Variants in MBTPS2 observed in about 807,000 individuals in gnomAD.
The protein encoded by MBTPS2 is membrane-bound transcription factor site-2 protease.
Under a neutral mutation model 35.4 loss-of-function variants are expected in MBTPS2, and 2 were observed. The ratio of observed to expected loss-of-function variants is 0.06; its 90% CI spans 0.02 to 0.18. MBTPS2 has a LOEUF of 0.18. Ranked by LOEUF, MBTPS2 falls within the 10% of genes least tolerant of loss-of-function variation. MBTPS2 has a pLI of 1.00. For missense variants in MBTPS2, 244 were observed against 386.5 expected, an observed-to-expected ratio of 0.63 and a Z score of 3.09; for synonymous variants, 125 against 140.4, an observed-to-expected ratio of 0.89 and a Z score of 0.77.
At chrX:21,879,575 C>T (rs1017632537) in intron 9 of MBTPS2, among the ~76,000 whole-genome samples, 4 of 110,909 alleles carry the variant, frequency 3.6e-5, no homozygotes, top group Non-Finnish European at 5.7e-5. Context: ...GCACTGTGCC[C>T]GGCCCAGTGA....
intron 7 of MBTPS2, chrX:21,873,199 C>T (rs1439903444): frequency 8.9e-6 from 1 of 111,772 alleles, no homozygotes; most frequent in Non-Finnish European, 1.9e-5. Flanking sequence ...GGTTAAACGG[C>T]CTTTTGGGGA....
chrX:21,862,747 C>G (rs1451912049), intron 5 of MBTPS2, among the ~76,000 whole-genome samples: 1 of 101,124 alleles, frequency 9.9e-6, no homozygotes, highest in Non-Finnish European at 2.0e-5. Flanking sequence ...GGAGGCGGAG[C>G]TTGCAGTGAG....
In MBTPS2 at chrX:21,884,936, T is replaced by C; in HGVS notation, c.*2281T>C. ...TATCATCTTCATGGAAAGAATCCAC[T>C]GTGGTTTCTGTAGAGTGATTGGAAA... On this transcript the variant is annotated 3_prime_UTR_variant, in exon 11 of 11. Coordinates refer to ENST00000379484, the MANE Select transcript of MBTPS2 (RefSeq NM_015884.4). 1.3e-6 allele frequency: 1 copy of C among 753,481 alleles called. No individual in the cohort carries two copies. The highest frequency in any genetic ancestry group is 6.7e-5 in the South Asian group (1 of 14,836). 62.1% of individuals were successfully genotyped at this position (753,481 alleles called of 1,213,427 possible).
chrX:21,860,257 C>G (rs927601337), intron 5 of MBTPS2, among the ~76,000 whole-genome samples: 4 of 111,010 alleles, frequency 3.6e-5, no homozygotes, highest in African/African-American at 6.5e-5. Flanking sequence ...CTTAAAAATA[C>G]AAAAATTAGC....
At chrX:21,866,884 C>G (rs1281530858) in intron 5 of MBTPS2, among the ~76,000 whole-genome samples, 1 of 109,425 alleles carries the variant, frequency 9.1e-6, no homozygotes, top group African/African-American at 3.3e-5. Context: ...AAAAAATTAG[C>G]CGGGCGTGGT....
intron 5 of MBTPS2, among the ~76,000 whole-genome samples, chrX:21,861,802 C>T (rs2147442169): frequency 9.2e-6 from 1 of 108,646 alleles, no homozygotes; most frequent in South Asian, 4.1e-4. Context: ...TAGAAAAGAT[C>T]ATTTACCTGA....
In MBTPS2 at chrX:21,882,974, T is replaced by C; in HGVS notation, c.*319T>C. The C allele has an allele frequency of 1.1e-6, 1 of 905,251 alleles. No homozygotes were observed. The highest frequency in any genetic ancestry group is 1.4e-6 in the Non-Finnish European group (1 of 732,836). The allele number at this position is 905,251 out of a possible 1,213,427, so 74.6% of individuals were successfully genotyped here. The stretch of plus-strand genomic sequence containing the variant: ...CTGATTACATATTGTGTTGAAATAG[T>C]ATAAAGGAGAACAGAACTGGGTGGA... On this transcript the variant is annotated 3_prime_UTR_variant, in exon 11 of 11. Transcript: ENST00000379484.
rs1288683924 is a variant in MBTPS2 at position 21,878,049 on chromosome X, A to G, written c.978A>G (p.Lys326=). 8.5e-7 allele frequency: 1 copy of G among 1,182,052 alleles called. No individual in the cohort carries two copies. Among genetic ancestry groups the G allele is most frequent in the African/African-American group, 1.8e-5 (1 of 56,806 alleles). ...QQLSFPVRAY[K]RLDGSTECCN... is the part of the protein sequence containing the mutation. ...CAGTGTATTTCTCTTTAGCATACAA[A>G]CGACTAGATGGTTCAACTGAATGCT... The change falls in exon 8 of 11, where the codon AAA becomes AAG. Residue 326 remains lysine, a synonymous_variant. Coordinates refer to ENST00000379484, the MANE Select transcript of MBTPS2 (RefSeq NM_015884.4).
intron 5 of MBTPS2, among the ~76,000 whole-genome samples, chrX:21,865,872 A>T (rs2092939073): frequency 8.9e-6 from 1 of 112,484 alleles, no homozygotes; most frequent in Non-Finnish European, 1.9e-5. Flanking sequence ...CCCGCTTAAT[A>T]ATAATCACCA....
At chrX:21,856,304 C>T in intron 5 of MBTPS2, 4 of 367,694 alleles carry the variant, frequency 1.1e-5, no homozygotes, top group South Asian at 7.7e-5. Context: ...CAGCTCGCGC[C>T]TTTCTCTGCA....
intron 7 of MBTPS2, chrX:21,872,021 A>C (rs191963115): frequency 4.5e-5 from 5 of 110,628 alleles, no homozygotes; most frequent in African/African-American, 1.6e-4. Flanking sequence ...GAGCAATCTG[A>C]TTCTTTAAGG....
At chrX:21,857,653 T>C (rs752192746) in intron 5 of MBTPS2, 9 of 1,125,320 alleles carry the variant, frequency 8.0e-6, no homozygotes, top group Non-Finnish European at 1.2e-6. Context: ...AGGACTGCGG[T>C]AGGGAATAAA....
intron 3 of MBTPS2, 68 bp downstream of exon 3, chrX:21,845,452 T>G: frequency 1.0e-6 from 1 of 977,528 alleles, no homozygotes; most frequent in Non-Finnish European, 1.4e-6. Context: ...TATGATCTAG[T>G]GTAACTCCTA....
chrX:21,843,815 C>A (rs1172835173), intron 2 of MBTPS2, among the ~76,000 whole-genome samples: 3 of 111,247 alleles, frequency 2.7e-5, no homozygotes, highest in African/African-American at 9.8e-5. Flanking sequence ...AAAGTTGGTT[C>A]TTTGAAAATA....
chrX:21,857,361 C>T (rs2092924586), intron 5 of MBTPS2: 1 of 1,211,063 alleles, frequency 8.3e-7, no homozygotes, highest in Non-Finnish European at 1.1e-6. Context: ...CAAAGCTTTT[C>T]TTGAGAGCTC....
intron 1 of MBTPS2, among the ~76,000 whole-genome samples, chrX:21,840,490 A>G (rs2092901512): frequency 1.8e-5 from 2 of 111,731 alleles, no homozygotes; most frequent in Non-Finnish European, 3.8e-5. Context: ...CTAACCAGAT[A>G]CCCTGGGTGC....
intron 2 of MBTPS2, among the ~76,000 whole-genome samples, chrX:21,843,984 G>A (rs964456396): frequency 8.4e-5 from 9 of 107,678 alleles, no homozygotes; most frequent in African/African-American, 2.4e-4. Context: ...GCATGGTGGC[G>A]CACGTGGTCC....
At chrX:21,881,925 G>A (rs1160986064) in intron 10 of MBTPS2, among the ~76,000 whole-genome samples, 1 of 111,507 alleles carries the variant, frequency 9.0e-6, no homozygotes, top group Non-Finnish European at 1.9e-5. Flanking sequence ...GACAGAGCTA[G>A]ACTCCATCTC....
At chrX:21,879,949 CTTTTTTTTTTT>C (rs60769329) in intron 9 of MBTPS2, among the ~76,000 whole-genome samples, 1 of 47,425 alleles carries the variant, frequency 2.1e-5, no homozygotes, top group Non-Finnish European at 3.3e-5. Flanking sequence ...TTATGTTATT[CTTTTTTTTTTT>C]TTTTTTTTTT....
Sources: gnomAD v4.1 joint callset for allele counts (sites outside exome capture counted in the v4.1 genomes callset) on GRCh38, gnomAD v4.1.1 for gene constraint, MANE v1.5 for transcripts, NCBI Gene and HGNC (gene_info 2026-07-23, HGNC 2026-07-21) for gene names.